PEX14: variants seen among roughly 807,000 people sequenced by gnomAD.
The protein encoded by PEX14 is peroxisomal membrane protein PEX14.
In PEX14, 15 loss-of-function variants were observed where a neutral mutation model predicts 49.5. That is an observed-to-expected ratio of 0.30 (90% CI 0.20 to 0.47). The LOEUF is 0.47. PEX14 is among the 20% of genes least tolerant of loss of function. The probability of loss-of-function intolerance (pLI) is 1.00; values close to 1 mark genes in which losing one functional copy is unlikely to be tolerated. For missense variants in PEX14, 398 were observed against 494.8 expected (o/e 0.80, Z 1.86); for synonymous variants, 210 against 212.7 (o/e 0.99, Z 0.11).
intron 4 of PEX14, chr1:10,616,733 T>C (rs1210137230): frequency 6.6e-6 from 1 of 152,272 alleles, no homozygotes; most frequent in Non-Finnish European, 1.5e-5. Context: ...GGGAGCACTT[T>C]GTGAACTGGG....
At chr1:10,605,524 A>G (rs1024293373) in intron 4 of PEX14, among the ~76,000 whole-genome samples, 4 of 152,244 alleles carry the variant, frequency 2.6e-5, no homozygotes, top group African/African-American at 9.6e-5. Context: ...TCAGTCAGCC[A>G]TAAGGTAGAC....
rs531952851 is a variant in PEX14, at chr1:10,546,595, G to A, written c.169+10298G>A. ...AAAAAAAAAAAAAAAGGCTAGGTGC[G>A]GTGGCTCACGCCTATAATCCCAGCA... On this transcript the variant is annotated intron_variant, in intron 3 of 8. Coordinates refer to ENST00000356607, the MANE Select transcript of PEX14 (RefSeq NM_004565.3). Among the ~76,000 whole-genome samples the A allele has an allele frequency of 2.8e-3, 373 of 132,224 alleles. 2 individuals carry two copies. Among genetic ancestry groups the A allele is most frequent in the African/African-American group, 0.01 (356 of 35,144 alleles). The allele number at this position is 132,224 out of a possible 152,430, so 86.7% of individuals were successfully genotyped here. A position where few individuals can be genotyped will look rare whatever the true frequency, so the allele number is the denominator to read the frequency against.
At chr1:10,477,921 C>T (rs914116463) in intron 1 of PEX14, among the ~76,000 whole-genome samples, 1 of 152,182 alleles carries the variant, frequency 6.6e-6, no homozygotes, top group Non-Finnish European at 1.5e-5. Flanking sequence ...CCGAGTCTCA[C>T]TCTGTTGACC....
At chr1:10,577,562 A>ATATT (rs1640180809) in intron 3 of PEX14, among the ~76,000 whole-genome samples, 1 of 6,234 alleles carries the variant, frequency 1.6e-4, no homozygotes, top group African/African-American at 4.6e-4. Context: ...ATATATATAT[A>ATATT]TTTTTTTTTT....
chr1:10,553,890 C>T (rs2124515537), intron 3 of PEX14, among the ~76,000 whole-genome samples: 1 of 152,288 alleles, frequency 6.6e-6, no homozygotes, highest in South Asian at 2.1e-4. Flanking sequence ...TCCCTGCACA[C>T]CTGTGACATG....
rs1159331637 is a variant in PEX14 at position 10,539,659 on chromosome 1, A to G, written c.169+3362A>G. ...TATCTGGGGCTTTAAGCAGGCTGCA[A>G]TCCAGGAGGTTAGAGTAACGTAAAA... On this transcript the variant is annotated intron_variant, in intron 3 of 8. Transcript: ENST00000356607. This position sits in a 1 kb window ranked among gnomAD's most constrained non-coding sequence, Gnocchi z 4.6. 6.6e-6 allele frequency among the ~76,000 whole-genome samples: 1 copy of G among 152,184 alleles called. No individual in the cohort carries two copies. The highest frequency in any genetic ancestry group is 1.5e-5 in the Non-Finnish European group (1 of 68,034).
chr1:10,505,043 C>T (rs1016475979), intron 2 of PEX14, among the ~76,000 whole-genome samples: 15 of 152,128 alleles, frequency 9.9e-5, no homozygotes, highest in African/African-American at 2.7e-4. Flanking sequence ...ACCTTGGCCT[C>T]CCTCCCAAAG....
chr1:10,556,602 G>T (rs1478855871), intron 3 of PEX14, among the ~76,000 whole-genome samples: 1 of 152,152 alleles, frequency 6.6e-6, no homozygotes, highest in Non-Finnish European at 1.5e-5. Flanking sequence ...TGAGCACTGC[G>T]CCTGATGTGG....
At chr1:10,605,885 A>G (rs1216296818) in intron 4 of PEX14, among the ~76,000 whole-genome samples, 2 of 152,098 alleles carry the variant, frequency 1.3e-5, no homozygotes, top group Non-Finnish European at 2.9e-5. Context: ...CACCCTCTCC[A>G]TTTTGTTGCT....
chr1:10,475,649 G>A (rs1168016244), intron 1 of PEX14, among the ~76,000 whole-genome samples: 1 of 152,204 alleles, frequency 6.6e-6, no homozygotes, highest in Admixed American at 6.5e-5. Flanking sequence ...CTTTTCACCT[G>A]CAGATTCAGA....
At chr1:10,530,904 T>G (rs1389103252) in intron 2 of PEX14, among the ~76,000 whole-genome samples, 1 of 152,212 alleles carries the variant, frequency 6.6e-6, no homozygotes, top group Non-Finnish European at 1.5e-5. Context: ...ACGCTTGCTT[T>G]CTTTTGCATA....
intron 2 of PEX14, among the ~76,000 whole-genome samples, chr1:10,504,307 C>G (rs1221903074): frequency 1.3e-5 from 2 of 152,282 alleles, no homozygotes; most frequent in Non-Finnish European, 1.5e-5. Flanking sequence ...TTTGTCTGAA[C>G]AGTCTAGAGA....
chr1:10,599,428 G>A, intron 4 of PEX14, 62 bp downstream of exon 4: 3 of 1,581,866 alleles, frequency 1.9e-6, no homozygotes, highest in South Asian at 2.2e-5. Flanking sequence ...TGGCCAAAGG[G>A]CAGTGTTCTG....
At chr1:10,569,836 T>A (rs1639919203) in intron 3 of PEX14, among the ~76,000 whole-genome samples, 1 of 152,244 alleles carries the variant, frequency 6.6e-6, no homozygotes, top group East Asian at 1.9e-4. Flanking sequence ...TTCCTGATCC[T>A]TTCTATACAA....
At chr1:10,592,960 C>T (rs1278023739) in intron 3 of PEX14, among the ~76,000 whole-genome samples, 1 of 152,188 alleles carries the variant, frequency 6.6e-6, no homozygotes, top group Non-Finnish European at 1.5e-5. Flanking sequence ...TCCCTCTTTG[C>T]CTCTTCTGTT....
chr1:10,572,769 C>T (rs1640014628), intron 3 of PEX14, among the ~76,000 whole-genome samples: 1 of 152,150 alleles, frequency 6.6e-6, no homozygotes. Flanking sequence ...ATCTCCTGAC[C>T]TCGTGATCCG....
intron 1 of PEX14, among the ~76,000 whole-genome samples, chr1:10,478,069 G>A (rs78831349): frequency 6.6e-6 from 1 of 151,326 alleles, no homozygotes; most frequent in Admixed American, 6.6e-5. Flanking sequence ...TTTTTTTTAA[G>A]TAGAAATGGG....
chr1:10,575,317 G>T (rs768327946), intron 3 of PEX14, among the ~76,000 whole-genome samples: 1 of 152,108 alleles, frequency 6.6e-6, no homozygotes, highest in Non-Finnish European at 1.5e-5. Flanking sequence ...CATAGTTGAA[G>T]ATACTAACAC....
At chr1:10,481,699 G>T (rs1641286436) in intron 1 of PEX14, among the ~76,000 whole-genome samples, 1 of 151,212 alleles carries the variant, frequency 6.6e-6, no homozygotes, top group Non-Finnish European at 1.5e-5. Context: ...AGTCTCCCAG[G>T]CTTCTTTTAC....
Sources: allele counts gnomAD v4.1 joint callset (sites outside exome capture counted in the v4.1 genomes callset), GRCh38; gene constraint gnomAD v4.1.1; non-coding constraint Gnocchi (gnomAD v3.1); transcripts MANE v1.5; gene names NCBI Gene and HGNC (gene_info 2026-07-23, HGNC 2026-07-21).